Variants in FHIP2A observed in about 807,000 individuals in gnomAD.
FHIP2A encodes FHF complex subunit HOOK interacting protein 2A, also known as family with sequence similarity 160 member B1.
A neutral mutation model predicts 93.5 loss-of-function variants in FHIP2A; 46 were observed. That is an observed-to-expected ratio of 0.49 (90% CI 0.39 to 0.63). FHIP2A has a LOEUF of 0.63. Ranked by LOEUF, FHIP2A falls within the 20% of genes least tolerant of loss-of-function variation. The pLI, the probability that FHIP2A is intolerant of heterozygous loss-of-function variation, is 0.00. For synonymous variants in FHIP2A, 332 were observed against 326.5 expected, an observed-to-expected ratio of 1.02 and a Z score of -0.18; for missense variants, 769 against 909.7, an observed-to-expected ratio of 0.85 and a Z score of 1.99.
At chr10:114,845,574 T>A in intron 8 of FHIP2A, 93 bp downstream of exon 8, 1 of 745,716 alleles carries the variant, frequency 1.3e-6, no homozygotes. Flanking sequence ...AAATACATTT[T>A]AATTGTCTTA....
chr10:114,884,400 A>G (rs571482005), intron 16 of FHIP2A, among the ~76,000 whole-genome samples: 24 of 152,362 alleles, frequency 1.6e-4, no homozygotes, highest in African/African-American at 5.8e-4. Flanking sequence ...CTGAGTTTAA[A>G]CTGCTGATCT....
intron 16 of FHIP2A, among the ~76,000 whole-genome samples, chr10:114,893,859 A>G (rs899819276): frequency 6.6e-6 from 1 of 152,204 alleles, no homozygotes; most frequent in African/African-American, 2.4e-5. Context: ...AAAATATATT[A>G]TGTGCAAAAG....
chr10:114,825,942 G>A lies in FHIP2A; in HGVS notation c.45+3819G>A, dbSNP rs184126650. On this transcript the variant is annotated intron_variant, in intron 1 of 16. Transcript: ENST00000369248. ...ATTTTAGCTAATTCCTTTAATGGAA[G>A]TCATCTTTCAGAATGTAAGTGCAAT... is the stretch of plus-strand genomic sequence containing the variant. Among the ~76,000 whole-genome samples the A allele has an allele frequency of 4.6e-5, 7 of 152,318 alleles. No individual in the cohort carries two copies. The East Asian group carries it at 1.4e-3, about 29-fold the overall frequency.
At chr10:114,880,890 A>G (rs921765944) in intron 16 of FHIP2A, among the ~76,000 whole-genome samples, 5 of 152,220 alleles carry the variant, frequency 3.3e-5, no homozygotes, top group African/African-American at 9.6e-5. Flanking sequence ...ACATTTCCCT[A>G]TCAGTCCAAC....
At chr10:114,899,602 G>C (rs2084017403) in exon 17 of FHIP2A, 1 of 713,014 alleles carries the variant, frequency 1.4e-6, no homozygotes, top group East Asian at 2.7e-5. Flanking sequence ...TTGGGCCTTG[G>C]ATCAACTGCC....
At chr10:114,848,613 A>G (rs771908150) in intron 12 of FHIP2A, 34 bp from the exon 13 acceptor site, 5 of 1,206,648 alleles carry the variant, frequency 4.1e-6, no homozygotes, top group Non-Finnish European at 6.1e-6. Context: ...ATGCAAATGG[A>G]CATCTTGCAT....
Position 114,862,363 on chromosome 10 carries a change from C to G in FHIP2A, c.*823C>G. 4 of 987,224 alleles carry G rather than the reference C, an allele frequency of 4.1e-6. No individual in the cohort carries two copies. Among genetic ancestry groups the G allele is most frequent in the Non-Finnish European group, 4.8e-6 (4 of 829,992 alleles). 61.2% of individuals were successfully genotyped at this position (987,224 alleles called of 1,614,324 possible). ...TACTGGGTTGAGAACCTTTTTCCCC[C>G]CTCTCCCTCTCAGAAAATTGCTTTA... On this transcript the variant is annotated 3_prime_UTR_variant, in exon 17 of 17. Transcript: ENST00000369248.
intron 1 of FHIP2A, among the ~76,000 whole-genome samples, chr10:114,824,603 T>C (rs61867966): frequency 0.28 from 42,250 of 152,062 alleles, 6,320 homozygotes; most frequent in South Asian, 0.36. Context: ...TTCCCCCCTT[T>C]TAACATTCTC....
chr10:114,850,602 A>T (rs1174056791), intron 13 of FHIP2A, among the ~76,000 whole-genome samples: 1 of 152,156 alleles, frequency 6.6e-6, no homozygotes, highest in Admixed American at 6.5e-5. Flanking sequence ...GGGGAAGCTG[A>T]GGCAGGAGGA....
At chr10:114,844,291 C>T (rs868389155) in intron 7 of FHIP2A, among the ~76,000 whole-genome samples, 4 of 152,194 alleles carry the variant, frequency 2.6e-5, no homozygotes, top group Non-Finnish European at 5.9e-5. Flanking sequence ...TAATCTGTCT[C>T]CTGGCCTGTT....
chr10:114,873,960 A>C (rs1174209777), intron 16 of FHIP2A, among the ~76,000 whole-genome samples: 1 of 152,132 alleles, frequency 6.6e-6, no homozygotes, highest in East Asian at 1.9e-4. Context: ...GGAAAAAAAA[A>C]AACAACCCTA....
intron 5 of FHIP2A, 108 bp downstream of exon 5, chr10:114,836,354 G>T (rs1592015784): frequency 1.1e-6 from 1 of 877,352 alleles, no homozygotes. Flanking sequence ...CAGGTTATTA[G>T]CTTGTTTTAC....
At chr10:114,872,086 C>T (rs1485270421) in intron 16 of FHIP2A, among the ~76,000 whole-genome samples, 3 of 152,160 alleles carry the variant, frequency 2.0e-5, no homozygotes, top group Non-Finnish European at 4.4e-5. Context: ...AGATTTCTGC[C>T]TAAATCAATT....
At chr10:114,855,673 A>G (rs1403344376) in intron 14 of FHIP2A, among the ~76,000 whole-genome samples, 1 of 152,234 alleles carries the variant, frequency 6.6e-6, no homozygotes, top group Non-Finnish European at 1.5e-5. Context: ...TAGTACAAAT[A>G]CAGATGCTCA....
In FHIP2A at chr10:114,862,844, C is replaced by T. The variant is rs907904881; in HGVS notation, c.*1304C>T. 7.1e-6 allele frequency: 7 copies of T among 985,338 alleles called. No homozygotes were observed. The highest frequency in any genetic ancestry group is 1.7e-5 in the African/African-American group (1 of 57,250). 61.0% of individuals were successfully genotyped at this position (985,338 alleles called of 1,614,324 possible). A position where few individuals can be genotyped will look rare whatever the true frequency, so the allele number is the denominator to read the frequency against. On this transcript the variant is annotated 3_prime_UTR_variant, in exon 17 of 17. Transcript: ENST00000369248. ...TTCCATTTACTGATATTTGGGGGAA[C>T]AGGCTATCAAAGGTTCCGGCTTGAA...
rs567528206 is a variant in FHIP2A, at chr10:114,888,705, C to T, written c.2193-10785C>T. Among the ~76,000 whole-genome samples, 26 of 152,208 alleles carry T rather than the reference C, an allele frequency of 1.7e-4. No individual in the cohort carries two copies. In the South Asian group the frequency reaches 2.5e-3, roughly 15 times the overall value. On this transcript the variant is annotated intron_variant, in intron 16 of 16. Transcript: ENST00000369250. ...GCAAACTCCGCCTCCCAGATTTAAG[C>T]GATTCTCAAGCCTCAGTCGCCCAAG...
chr10:114,839,896 AAAAAAG>A (rs2083659065), intron 5 of FHIP2A, among the ~76,000 whole-genome samples: 2 of 151,832 alleles, frequency 1.3e-5, no homozygotes, highest in African/African-American at 2.4e-5. Flanking sequence ...AAAAAAAAAA[AAAAAAG>A]AAAAGAAACA....
chr10:114,861,332 TA>T lies in FHIP2A; in HGVS notation c.2191del (p.Ile731LeufsTer8). 1 of 1,614,138 alleles carries T rather than the reference TA, an allele frequency of 6.2e-7. No individual in the cohort carries two copies. The highest frequency in any genetic ancestry group is 8.5e-7 in the Non-Finnish European group (1 of 1,180,012). ...RLLGLEPEGP[I>X]IDHITLLEGV... Reference sequence around the variant, plus strand: ...TACTTGGTTTGGAACCTGAAGGCCCTATGTAAGTTAGTGTTTTACATTTTTT... The same window carrying T: ...TACTTGGTTTGGAACCTGAAGGCCCTTGTAAGTTAGTGTTTTACATTTTTT... On this transcript the variant is annotated frameshift_variant and splice_region_variant, in exon 16 of 17. Coordinates refer to ENST00000369248, the MANE Select transcript of FHIP2A (RefSeq NM_020940.4). LOFTEE classifies it high-confidence loss of function.
intron 16 of FHIP2A, among the ~76,000 whole-genome samples, chr10:114,880,103 A>G (rs1018105644): frequency 6.6e-6 from 1 of 152,134 alleles, no homozygotes; most frequent in East Asian, 1.9e-4. Flanking sequence ...CACACACTTC[A>G]CTATACGATC....
Sources: allele counts gnomAD v4.1 joint callset (sites outside exome capture counted in the v4.1 genomes callset), GRCh38; gene constraint gnomAD v4.1.1; transcripts MANE v1.5; gene names NCBI Gene and HGNC (gene_info 2026-07-23, HGNC 2026-07-21).